NELL1: variants seen among roughly 807,000 people sequenced by gnomAD.
The protein encoded by NELL1 is protein kinase C-binding protein NELL1.
NELL1 carries 76 observed loss-of-function variants against 107.4 expected under a neutral mutation model. That is an observed-to-expected ratio of 0.71 (90% CI 0.59 to 0.86). NELL1 has a LOEUF of 0.86. Among genes scored for constraint, NELL1 ranks in the 40% least tolerant of loss-of-function variants. The pLI is 0.00. For synonymous variants in NELL1, 353 were observed against 341.2 expected (o/e 1.03, Z -0.38); for missense variants, 1,024 against 1,005.5 (o/e 1.02, Z -0.25).
At chr11:21,256,303 C>A (rs937387305) in intron 14 of NELL1, among the ~76,000 whole-genome samples, 1 of 152,020 alleles carries the variant, frequency 6.6e-6, no homozygotes, top group Admixed American at 6.6e-5. Flanking sequence ...ATTGGGGCAA[C>A]TTGACTTGAG....
intron 4 of NELL1, among the ~76,000 whole-genome samples, chr11:20,879,051 A>G (rs1849359505): frequency 6.6e-6 from 1 of 152,186 alleles, no homozygotes. Flanking sequence ...TCAGTGTTCC[A>G]TTTCCTCCAG....
At position 21,219,130 on chromosome 11, in the gene NELL1, G is replaced by C. The variant is rs572147505; in HGVS notation, c.1427-10202G>C. ...TATGAGTTCTCTTTTCTCTCCGTCC[G>C]CACTGGCATCTGTTAGTGCCTATCT... On this transcript the variant is annotated intron_variant, in intron 13 of 19. Transcript: ENST00000357134. 7.2e-5 allele frequency among the ~76,000 whole-genome samples: 11 copies of C among 152,034 alleles called. No individual in the cohort carries two copies. In the South Asian group the frequency reaches 2.1e-3, roughly 29 times the overall value.
At chr11:21,323,544 A>G (rs909771505) in intron 14 of NELL1, among the ~76,000 whole-genome samples, 1 of 152,120 alleles carries the variant, frequency 6.6e-6, no homozygotes, top group Non-Finnish European at 1.5e-5. Flanking sequence ...TGGGTTTTCC[A>G]CTTTAACCAG....
intron 12 of NELL1, among the ~76,000 whole-genome samples, chr11:21,049,678 T>G (rs1853443593): frequency 8.1e-6 from 1 of 123,594 alleles, no homozygotes; most frequent in Admixed American, 7.3e-5. Flanking sequence ...ATTGACTCAA[T>G]AACTTTTTTT....
At chr11:21,458,380 A>C (rs565615274) in intron 15 of NELL1, among the ~76,000 whole-genome samples, 1 of 152,170 alleles carries the variant, frequency 6.6e-6, no homozygotes, top group Non-Finnish European at 1.5e-5. Context: ...CACCCTGTAG[A>C]TATAATCAGA....
intron 14 of NELL1, among the ~76,000 whole-genome samples, chr11:21,272,108 G>A (rs527519399): frequency 2.2e-4 from 33 of 152,308 alleles, no homozygotes; most frequent in Non-Finnish European, 3.5e-4. Flanking sequence ...GCAAGGCATC[G>A]CCTCACCCAG....
chr11:21,348,842 G>T (rs1850741030), intron 14 of NELL1, among the ~76,000 whole-genome samples: 2 of 152,138 alleles, frequency 1.3e-5, no homozygotes, highest in Admixed American at 6.6e-5. Flanking sequence ...CTTTCTGGAG[G>T]AGAATTTTGT....
chr11:20,920,728 G>C (rs1022348092), intron 7 of NELL1, among the ~76,000 whole-genome samples: 1 of 152,040 alleles, frequency 6.6e-6, no homozygotes, highest in African/African-American at 2.4e-5. Context: ...CGAGGGCGTC[G>C]TTTGCTTTCT....
chr11:21,313,992 G>GCCCCACCCCCCCCCCC (rs1849809748), intron 14 of NELL1, among the ~76,000 whole-genome samples: 1 of 55,578 alleles, frequency 1.8e-5, no homozygotes, highest in Admixed American at 2.5e-4. Context: ...CCTACACTCT[G>GCCCCACCCCCCCCCCC]CCCCCCCCCC....
intron 2 of NELL1, among the ~76,000 whole-genome samples, chr11:20,693,639 T>G (rs985101941): frequency 6.6e-6 from 1 of 152,202 alleles, no homozygotes; most frequent in African/African-American, 2.4e-5. Context: ...CTTGTAGAGT[T>G]TCTGCCGAGA....
At chr11:21,436,182 G>A (rs1853115494) in intron 15 of NELL1, among the ~76,000 whole-genome samples, 1 of 152,092 alleles carries the variant, frequency 6.6e-6, no homozygotes, top group South Asian at 2.1e-4. Flanking sequence ...AGCATCCCAA[G>A]TAGGTGGGAC....
chr11:21,339,043 C>G (rs1397402507), intron 14 of NELL1, among the ~76,000 whole-genome samples: 1 of 152,126 alleles, frequency 6.6e-6, no homozygotes, highest in Non-Finnish European at 1.5e-5. Context: ...AGCGCTGAAT[C>G]CAGTTCTGAA....
chr11:21,018,113 A>G (rs1436769007), intron 12 of NELL1, among the ~76,000 whole-genome samples: 1 of 152,046 alleles, frequency 6.6e-6, no homozygotes, highest in South Asian at 2.1e-4. Context: ...AGCCTTATTT[A>G]TCAGGCTTGA....
At chr11:20,844,065 C>T (rs543166058) in intron 3 of NELL1, among the ~76,000 whole-genome samples, 21 of 152,264 alleles carry the variant, frequency 1.4e-4, no homozygotes, top group South Asian at 4.1e-4. Context: ...TCAGTGTAGG[C>T]GTAGTTGTGC....
At chr11:21,159,664 T>C (rs549353610) in intron 13 of NELL1, among the ~76,000 whole-genome samples, 1 of 152,366 alleles carries the variant, frequency 6.6e-6, no homozygotes, top group South Asian at 2.1e-4. Flanking sequence ...TCTAGCTATC[T>C]GGGTGTAGGG....
chr11:21,274,994 G>A (rs1355977328), intron 14 of NELL1, among the ~76,000 whole-genome samples: 1 of 151,796 alleles, frequency 6.6e-6, no homozygotes, highest in Non-Finnish European at 1.5e-5. Context: ...AAAGAACTAG[G>A]GAAGCAAGAG....
rs571897218 is a variant in NELL1 at position 21,246,239 on chromosome 11, G to A, written c.1549+16785G>A. Among the ~76,000 whole-genome samples the A allele has an allele frequency of 3.9e-5, 6 of 152,248 alleles. No individual in the cohort carries two copies. The East Asian group carries it at 9.6e-4, about 24-fold the overall frequency. On this transcript the variant is annotated intron_variant, in intron 14 of 19. Coordinates refer to ENST00000357134, the MANE Select transcript of NELL1 (RefSeq NM_006157.5). Reference sequence around the variant, plus strand: ...AGTATTGTCTCCATATTATATGTGAGCAAACTGAGGTGCAGAAAGGATGTC... The same window carrying A: ...AGTATTGTCTCCATATTATATGTGAACAAACTGAGGTGCAGAAAGGATGTC...
At chr11:21,424,654 C>CA (rs1564887436) in intron 15 of NELL1, among the ~76,000 whole-genome samples, 3 of 151,738 alleles carry the variant, frequency 2.0e-5, no homozygotes, top group Admixed American at 6.6e-5. Context: ...AAAACAAAAA[C>CA]AAAAAAATGA....
chr11:20,753,272 G>C (rs1368360978), intron 2 of NELL1, among the ~76,000 whole-genome samples: 3 of 152,206 alleles, frequency 2.0e-5, no homozygotes, highest in Admixed American at 6.5e-5. Flanking sequence ...ATTTTTAATG[G>C]AGAAATTTTG....
Sources: allele counts gnomAD v4.1 joint callset (sites outside exome capture counted in the v4.1 genomes callset), GRCh38; gene constraint gnomAD v4.1.1; transcripts MANE v1.5; gene names NCBI Gene and HGNC (gene_info 2026-07-23, HGNC 2026-07-21).